BNC2: variants seen among roughly 807,000 people sequenced by gnomAD.
BNC2 encodes the protein basonuclin zinc finger protein 2.
In BNC2, 20 loss-of-function variants were observed where a neutral mutation model predicts 76.3. That is an observed-to-expected ratio of 0.26 (90% CI 0.18 to 0.38). The LOEUF (loss-of-function observed/expected upper bound fraction) is 0.38. Among genes scored for constraint, BNC2 ranks in the 10% least tolerant of loss-of-function variants. The pLI is 1.00. For synonymous variants in BNC2, 582 were observed against 514.8 expected (o/e 1.13, Z -1.77); for missense variants, 1,382 against 1,399.8 (o/e 0.99, Z 0.20).
chr9:16,725,807 T>C (rs1824299254), intron 3 of BNC2, among the ~76,000 whole-genome samples: 1 of 152,186 alleles, frequency 6.6e-6, no homozygotes, highest in Non-Finnish European at 1.5e-5. Context: ...TTAGTTAAAA[T>C]GTTTTCCATG....
At chr9:16,764,711 A>G (rs934548479) in intron 1 of BNC2, among the ~76,000 whole-genome samples, 2 of 146,798 alleles carry the variant, frequency 1.4e-5, no homozygotes, top group African/African-American at 5.0e-5. Flanking sequence ...GGAATTATAC[A>G]AATTGACATA....
At chr9:16,422,237 G>C (rs1352138548) in intron 6 of BNC2, among the ~76,000 whole-genome samples, 1 of 152,146 alleles carries the variant, frequency 6.6e-6, no homozygotes, top group Non-Finnish European at 1.5e-5. Flanking sequence ...TCAACCAAAC[G>C]ATGTGCAGAA....
intron 5 of BNC2, among the ~76,000 whole-genome samples, chr9:16,447,693 G>T (rs183400291): frequency 6.6e-6 from 1 of 152,114 alleles, no homozygotes; most frequent in African/African-American, 2.4e-5. Context: ...AATTCTGCTT[G>T]TAAACTAAGG....
At chr9:16,828,866 T>C (rs1181245417) in intron 1 of BNC2, among the ~76,000 whole-genome samples, 3 of 152,156 alleles carry the variant, frequency 2.0e-5, no homozygotes, top group Non-Finnish European at 4.4e-5. Context: ...AACCTGAATA[T>C]GTGCTCCAGA....
At position 16,437,174 on chromosome 9, in the gene BNC2, T is replaced by C. The variant is rs371047037; in HGVS notation, c.1020A>G (p.Pro340=). 6.2e-7 allele frequency: 1 copy of C among 1,614,068 alleles called. No individual in the cohort carries two copies. Among genetic ancestry groups the C allele is most frequent in the Non-Finnish European group, 8.5e-7 (1 of 1,180,030 alleles). The change falls in exon 6 of 7, where the codon CCA becomes CCG. Residue 340 remains proline, a synonymous_variant. Coordinates refer to ENST00000380672, the MANE Select transcript of BNC2 (RefSeq NM_017637.6). ...PVSAPLLGLP[P]NGLLLEQPGL... is the part of the protein sequence containing the mutation. Reference sequence around the variant, plus strand: ...CTGGTTGCTCTAACAGTAGCCCATTTGGAGGCAACCCTAGCAGTGGTGCTG... The same window carrying C: ...CTGGTTGCTCTAACAGTAGCCCATTCGGAGGCAACCCTAGCAGTGGTGCTG...
At chr9:16,853,729 G>A (rs1389920560) in intron 1 of BNC2, among the ~76,000 whole-genome samples, 1 of 152,030 alleles carries the variant, frequency 6.6e-6, no homozygotes, top group Non-Finnish European at 1.5e-5. Flanking sequence ...TTAGCTGGAC[G>A]TGGTAGTGCA....
chr9:16,753,138 G>A (rs1010836660), intron 1 of BNC2, among the ~76,000 whole-genome samples: 1 of 52,106 alleles, frequency 1.9e-5, no homozygotes, highest in African/African-American at 4.9e-5. Context: ...AAACACAGCA[G>A]TTTGAATAGT....
intron 1 of BNC2, among the ~76,000 whole-genome samples, chr9:16,750,471 T>C (rs967382633): frequency 7.2e-5 from 11 of 152,214 alleles, no homozygotes; most frequent in African/African-American, 2.7e-4. Flanking sequence ...TGCCTTGCAT[T>C]ACGGAGATGT....
chr9:16,661,647 T>G (rs1290449121), intron 3 of BNC2, among the ~76,000 whole-genome samples: 1 of 152,184 alleles, frequency 6.6e-6, no homozygotes, highest in Non-Finnish European at 1.5e-5. Context: ...GGCATGAACA[T>G]CTAATGATCT....
At chr9:16,683,355 T>G (rs1236750870) in intron 3 of BNC2, among the ~76,000 whole-genome samples, 3 of 152,330 alleles carry the variant, frequency 2.0e-5, no homozygotes, top group African/African-American at 7.2e-5. Flanking sequence ...CAGGGCTGTA[T>G]GTCTAAACAA....
chr9:16,734,774 T>C (rs1405925214), intron 2 of BNC2, among the ~76,000 whole-genome samples: 1 of 152,234 alleles, frequency 6.6e-6, no homozygotes, highest in Non-Finnish European at 1.5e-5. Context: ...AGAAAGCTTG[T>C]GTGCTGAAGA....
intron 1 of BNC2, among the ~76,000 whole-genome samples, chr9:16,826,011 T>C (rs1818446200): frequency 6.6e-6 from 1 of 152,164 alleles, no homozygotes; most frequent in Non-Finnish European, 1.5e-5. Flanking sequence ...TAATCTTTAC[T>C]GTGTTAGCAA....
At position 16,521,524 on chromosome 9, in the gene BNC2, T is replaced by C. The variant is rs1261828765; in HGVS notation, c.669+31006A>G. Among the ~76,000 whole-genome samples the C allele has an allele frequency of 7.2e-5, 11 of 152,316 alleles. No homozygotes were observed. In the East Asian group the frequency reaches 2.1e-3, roughly 29 times the overall value. The stretch of plus-strand genomic sequence containing the variant: ...TACATCATTAGAGAAGAAAATATAA[T>C]TTGCGCACATATACCTATTTCCTGC... On this transcript the variant is annotated intron_variant, in intron 5 of 6. Coordinates refer to ENST00000380672, the MANE Select transcript of BNC2 (RefSeq NM_017637.6).
At chr9:16,523,288 G>A (rs1208514276) in intron 5 of BNC2, among the ~76,000 whole-genome samples, 6 of 151,880 alleles carry the variant, frequency 4.0e-5, no homozygotes, top group Non-Finnish European at 8.8e-5. Context: ...TGGCTAACAC[G>A]ATGAAACCCT....
At chr9:16,765,954 T>C (rs1825680154) in intron 1 of BNC2, among the ~76,000 whole-genome samples, 1 of 150,488 alleles carries the variant, frequency 6.6e-6, no homozygotes, top group East Asian at 1.9e-4. Flanking sequence ...GCCTGGCTAA[T>C]TTTTTTGTAT....
At chr9:16,546,566 C>A (rs1013999635) in intron 5 of BNC2, among the ~76,000 whole-genome samples, 1 of 152,014 alleles carries the variant, frequency 6.6e-6, no homozygotes, top group South Asian at 2.1e-4. Context: ...AGGATAAATA[C>A]CAGATCTGGT....
chr9:16,726,478 GT>G lies in BNC2; in HGVS notation c.330+1318del, dbSNP rs139722544. On this transcript the variant is annotated intron_variant, in intron 3 of 6. Coordinates refer to ENST00000380672, the MANE Select transcript of BNC2 (RefSeq NM_017637.6). ...GTAGTAGTTTATAGCCTGGCAAATTGTTTTTTTTTTATTATCAACAACTTTA... is the reference window on the plus strand; with the variant it reads ...GTAGTAGTTTATAGCCTGGCAAATTGTTTTTTTTTATTATCAACAACTTTA... Among the ~76,000 whole-genome samples, 124 of 132,184 alleles carry G rather than the reference GT, an allele frequency of 9.4e-4. 4 individuals carry two copies. In the South Asian group the frequency reaches 0.02, roughly 22 times the overall value. The allele number at this position is 132,184 out of a possible 152,430, so 86.7% of individuals were successfully genotyped here.
chr9:16,436,489 C>T lies in BNC2; in HGVS notation c.1705G>A (p.Val569Ile), dbSNP rs1438172570. 6.2e-7 allele frequency: 1 copy of T among 1,614,114 alleles called. No homozygotes were observed. The highest frequency in any genetic ancestry group is 1.7e-4 in the Middle Eastern group (1 of 6,060). Residue 569 changes from valine (V) to isoleucine (I), a missense_variant, in exon 6 of 7, where the codon GTT becomes ATT. By Grantham distance (29) the Val-to-Ile change is conservative (BLOSUM62 3). Around this residue, in one of 3 missense-constraint regions of BNC2, gnomAD observed 798 missense variants for 775.5 expected, o/e 1.03. Transcript: ENST00000380672. ...VFSGLKTVQP[V>I]PPFYRSLLTP... ...AGTAAACTTCTATAAAATGGAGGAA[C>T]TGGTTGTACAGTCTTTAGCCCAGAA... is the stretch of plus-strand genomic sequence containing the variant.
chr9:16,698,816 T>C (rs1257966507), intron 3 of BNC2, among the ~76,000 whole-genome samples: 1 of 152,170 alleles, frequency 6.6e-6, no homozygotes, highest in Non-Finnish European at 1.5e-5. Flanking sequence ...CTACCACCTA[T>C]TCATACATTG....
Sources: allele counts gnomAD v4.1 joint callset (sites outside exome capture counted in the v4.1 genomes callset), GRCh38; gene constraint gnomAD v4.1.1; regional missense constraint gnomAD v4.1.1; transcripts MANE v1.5; gene names NCBI Gene and HGNC (gene_info 2026-07-23, HGNC 2026-07-21).